The following CDH18 variants were observed in gnomAD, a reference collection of about 807,000 sequenced individuals.
The protein encoded by CDH18 is cadherin-18.
In CDH18, 31 loss-of-function variants were observed where a neutral mutation model predicts 67.9. That is an observed-to-expected ratio of 0.46 (90% CI 0.34 to 0.62). The LOEUF is 0.62. Among genes scored for constraint, CDH18 ranks in the 20% least tolerant of loss-of-function variants. The pLI is 0.01. For synonymous variants in CDH18, 362 were observed against 347.2 expected (o/e 1.04, Z -0.48); for missense variants, 890 against 975.5 (o/e 0.91, Z 1.17).
chr5:20,352,937 A>G (rs2150060095), intron 1 of CDH18, among the ~76,000 whole-genome samples: 1 of 152,370 alleles, frequency 6.6e-6, no homozygotes, highest in East Asian at 1.9e-4. Flanking sequence ...ATTTGGTAGT[A>G]GCATTAAAAG....
At chr5:19,701,301 T>C (rs1185778354) in intron 5 of CDH18, among the ~76,000 whole-genome samples, 3 of 152,146 alleles carry the variant, frequency 2.0e-5, no homozygotes, top group Non-Finnish European at 4.4e-5. Flanking sequence ...TGTCAGTGTG[T>C]CAGTGAACAA....
chr5:19,699,165 C>T (rs141322940), intron 5 of CDH18, among the ~76,000 whole-genome samples: 1 of 152,232 alleles, frequency 6.6e-6, no homozygotes, highest in East Asian at 1.9e-4. Flanking sequence ...AATACACATA[C>T]AAGCACAGGC....
At position 20,199,144 on chromosome 5, in the gene CDH18, C is replaced by T. The variant is rs184133321; in HGVS notation, c.-518+56300G>A. On this transcript the variant is annotated intron_variant, in intron 2 of 14. Coordinates refer to the CDH18 transcript ENST00000507958. ...ACTCAGTGGAGCTATGTGAAGGGGG[C>T]TATTGTCCTCCAGATCTTAGAATGA... Among the ~76,000 whole-genome samples, 8 of 152,264 alleles carry T rather than the reference C, an allele frequency of 5.3e-5. No homozygotes were observed. In the East Asian group the frequency reaches 1.6e-3, roughly 30 times the overall value.
At chr5:19,583,108 C>T (rs114084344) in intron 7 of CDH18, among the ~76,000 whole-genome samples, 1,576 of 151,986 alleles carry the variant, frequency 0.01, 23 homozygotes, top group African/African-American at 0.036. Context: ...TAAAAATACA[C>T]AGTACTTGGT....
At chr5:19,693,609 G>A (rs947395311) in intron 5 of CDH18, among the ~76,000 whole-genome samples, 1 of 152,194 alleles carries the variant, frequency 6.6e-6, no homozygotes. Flanking sequence ...AAAATCATGA[G>A]AGGAAGGCCA....
chr5:19,934,297 A>G (rs1794013273), intron 2 of CDH18, among the ~76,000 whole-genome samples: 1 of 151,360 alleles, frequency 6.6e-6, no homozygotes, highest in South Asian at 2.1e-4. Context: ...TGTATCCTTC[A>G]TGGACGTCCA....
chr5:20,133,624 C>T (rs760971602), intron 2 of CDH18, among the ~76,000 whole-genome samples: 14 of 151,994 alleles, frequency 9.2e-5, no homozygotes, highest in Admixed American at 2.0e-4. Context: ...GATGATTACG[C>T]GGTGTCTGAT....
intron 1 of CDH18, among the ~76,000 whole-genome samples, chr5:20,428,449 G>C (rs1748486839): frequency 6.6e-6 from 1 of 152,048 alleles, no homozygotes; most frequent in Non-Finnish European, 1.5e-5. Context: ...TAAACCTTTG[G>C]GTATAAACCC....
At chr5:19,566,922 C>A (rs1740508440) in intron 8 of CDH18, among the ~76,000 whole-genome samples, 1 of 152,164 alleles carries the variant, frequency 6.6e-6, no homozygotes, top group South Asian at 2.1e-4. Context: ...AAGATTCTAT[C>A]ATTTGCAACA....
Position 19,933,197 on chromosome 5 carries a change from A to C in CDH18, c.-257+47863T>G, listed in dbSNP as rs75465287. ...CATTTAACCAGGATAAGAAGAGACA[A>C]CCATAAGTGAAATTTTTATAAGCTT... On this transcript the variant is annotated intron_variant, in intron 2 of 12. Transcript: ENST00000382275. Among the ~76,000 whole-genome samples, 746 of 151,564 alleles carry C rather than the reference A, an allele frequency of 4.9e-3. 7 individuals carry two copies. Among genetic ancestry groups the C allele is most frequent in the African/African-American group, 0.017 (708 of 41,478 alleles).
chr5:19,755,855 T>G (rs1404197387), intron 3 of CDH18, among the ~76,000 whole-genome samples: 1 of 152,036 alleles, frequency 6.6e-6, no homozygotes, highest in Non-Finnish European at 1.5e-5. Flanking sequence ...TTGTATTTGC[T>G]GACAGCTATT....
intron 5 of CDH18, among the ~76,000 whole-genome samples, chr5:19,698,855 T>C (rs1762861893): frequency 6.6e-6 from 1 of 152,092 alleles, no homozygotes; most frequent in African/African-American, 2.4e-5. Flanking sequence ...TCAGGTTTGA[T>C]TCAAAGTTTG....
At chr5:19,807,929 A>G (rs1314329341) in intron 3 of CDH18, among the ~76,000 whole-genome samples, 2 of 152,156 alleles carry the variant, frequency 1.3e-5, no homozygotes, top group Non-Finnish European at 1.5e-5. Context: ...TACTATATAA[A>G]CAATGTGTAA....
At chr5:20,233,115 T>G (rs1742200186) in intron 2 of CDH18, among the ~76,000 whole-genome samples, 1 of 151,582 alleles carries the variant, frequency 6.6e-6, no homozygotes. Context: ...TTCTTCATAT[T>G]ACTATTATAT....
Position 20,061,615 on chromosome 5 carries a change from C to T in CDH18, c.-517-69601G>A, listed in dbSNP as rs553497495. On this transcript the variant is annotated intron_variant, in intron 2 of 14. Coordinates refer to the CDH18 transcript ENST00000507958. Reference sequence around the variant, plus strand: ...TTAGTGGCAATAGTGGGATTATTTGCCTGTATTACTAAAATTGTTAAAAAG... The same window carrying T: ...TTAGTGGCAATAGTGGGATTATTTGTCTGTATTACTAAAATTGTTAAAAAG... Among the ~76,000 whole-genome samples, 5 of 152,042 alleles carry T rather than the reference C, an allele frequency of 3.3e-5. No homozygotes were observed. In the East Asian group the frequency reaches 9.7e-4, roughly 29 times the overall value.
intron 1 of CDH18, among the ~76,000 whole-genome samples, chr5:20,361,522 A>G (rs1165920446): frequency 2.0e-5 from 3 of 152,062 alleles, no homozygotes; most frequent in African/African-American, 7.2e-5. Context: ...CTATAAATGT[A>G]TTAAGGGTCC....
intron 2 of CDH18, among the ~76,000 whole-genome samples, chr5:19,971,208 G>A (rs1911862): frequency 0.62 from 93,892 of 151,686 alleles, 29,680 homozygotes; most frequent in African/African-American, 0.75. Context: ...ATATAATAGA[G>A]CTGGTATCCA....
chr5:20,239,631 T>A (rs77414192), intron 2 of CDH18, among the ~76,000 whole-genome samples: 3,750 of 152,272 alleles, frequency 0.025, 162 homozygotes, highest in African/African-American at 0.084. Flanking sequence ...GATGACTTCA[T>A]GTCTATATTT....
intron 2 of CDH18, among the ~76,000 whole-genome samples, chr5:20,057,808 A>G (rs1309469927): frequency 6.6e-6 from 1 of 152,146 alleles, no homozygotes; most frequent in Non-Finnish European, 1.5e-5. Flanking sequence ...CTTTCTTTAA[A>G]TAATAAATAA....
Sources: gnomAD v4.1 joint callset for allele counts (sites outside exome capture counted in the v4.1 genomes callset) on GRCh38, gnomAD v4.1.1 for gene constraint, MANE v1.5 for transcripts, NCBI Gene and HGNC (gene_info 2026-07-23, HGNC 2026-07-21) for gene names.